Variants in GFI1B observed in about 807,000 individuals in gnomAD.
GFI1B encodes the protein zinc finger protein Gfi-1b.
GFI1B carries 20 observed loss-of-function variants against 35.3 expected under a neutral mutation model. The ratio of observed to expected loss-of-function variants is 0.57; its 90% CI spans 0.40 to 0.82. The LOEUF (loss-of-function observed/expected upper bound fraction) is 0.82. Among genes scored for constraint, GFI1B ranks in the 40% least tolerant of loss-of-function variants. GFI1B has a pLI of 0.00. For synonymous variants in GFI1B, 178 were observed against 177.6 expected (o/e 1.00, Z -0.02); for missense variants, 430 against 446.3 (o/e 0.96, Z 0.33).
Position 132,955,746 on chromosome 9 carries a change from T to C in GFI1B, c.-701+10077T>C, listed in dbSNP as rs771449987. ...TTGGTTGATTGATTTGAAATCATCC[T>C]GAGTGTATTAGTAAGAGTTCTCCAG... On this transcript the variant is annotated intron_variant, in intron 1 of 10. Transcript: ENST00000339463. Among the ~76,000 whole-genome samples, 29 of 152,258 alleles carry C rather than the reference T, an allele frequency of 1.9e-4. 1 individual carries two copies. Among genetic ancestry groups the C allele is most frequent in the South Asian group, 1.4e-3 (7 of 4,832 alleles).
chr9:132,983,748 C>G (rs148301345), intron 1 of GFI1B, among the ~76,000 whole-genome samples: 1 of 152,236 alleles, frequency 6.6e-6, no homozygotes, highest in Non-Finnish European at 1.5e-5. Context: ...ATCCCTAGCA[C>G]GTCGGCTCCA....
At position 132,989,059 on chromosome 9, in the gene GFI1B, A is replaced by G; in HGVS notation, c.511-2A>G. 2.5e-6 allele frequency: 4 copies of G among 1,613,924 alleles called. No homozygotes were observed. The highest frequency in any genetic ancestry group is 3.4e-6 in the Non-Finnish European group (4 of 1,179,862). On this transcript the variant is annotated splice_acceptor_variant, in intron 4 of 6. Transcript: ENST00000372122. LOFTEE classifies it high-confidence loss of function. The surrounding 1 kb of genome is among the most constrained non-coding windows in gnomAD (Gnocchi z 6.2). ...GGCCTCACATGCTGCCCCTGCTCCC[A>G]GGTCTTCTCCACCCCTCACGGGCTC...
At chr9:132,961,745 C>G in intron 1 of GFI1B, among the ~76,000 whole-genome samples, 1 of 152,092 alleles carries the variant, frequency 6.6e-6, no homozygotes, top group East Asian at 1.9e-4. Flanking sequence ...GTGCCCGCCA[C>G]CACACCTGGC....
At chr9:132,948,712 A>T (rs1564521031) in intron 1 of GFI1B, among the ~76,000 whole-genome samples, 1 of 152,192 alleles carries the variant, frequency 6.6e-6, no homozygotes, top group East Asian at 1.9e-4. Flanking sequence ...CTAGCGCATC[A>T]GTTTCCCCTT....
At chr9:132,970,069 A>G (rs1415087688) in intron 1 of GFI1B, among the ~76,000 whole-genome samples, 1 of 152,088 alleles carries the variant, frequency 6.6e-6, no homozygotes, top group Non-Finnish European at 1.5e-5. Flanking sequence ...TTGAGAAGGA[A>G]CCCCATCGAT....
chr9:132,988,105 C>T, intron 3 of GFI1B, 92 bp from the exon 4 acceptor site: 2 of 1,234,824 alleles, frequency 1.6e-6, no homozygotes, highest in Non-Finnish European at 2.4e-6. Flanking sequence ...CTCAGCCTCC[C>T]AAAGTGCTGG....
At chr9:132,985,016 G>T (rs1334643986) in intron 1 of GFI1B, among the ~76,000 whole-genome samples, 2 of 145,834 alleles carry the variant, frequency 1.4e-5, no homozygotes, top group Non-Finnish European at 3.0e-5. Context: ...TCCCTCTCCC[G>T]CCTTCTCCGG....
chr9:132,954,820 G>A (rs1306221988), intron 1 of GFI1B, among the ~76,000 whole-genome samples: 2 of 151,658 alleles, frequency 1.3e-5, no homozygotes, highest in Non-Finnish European at 1.5e-5. Context: ...CCGGGTTCAA[G>A]TGATTCTTCT....
upstream of GFI1B, among the ~76,000 whole-genome samples, chr9:132,975,657 G>A (rs1336073199): frequency 6.6e-6 from 1 of 152,224 alleles, no homozygotes; most frequent in East Asian, 1.9e-4. Context: ...GTGGTGCCTT[G>A]TTGTGGGCAC....
intron 1 of GFI1B, among the ~76,000 whole-genome samples, chr9:132,961,228 C>T (rs1187470177): frequency 6.6e-6 from 1 of 151,900 alleles, no homozygotes; most frequent in Non-Finnish European, 1.5e-5. Context: ...ATAAGTTAGG[C>T]GACCTCAAAA....
At chr9:132,957,561 C>T (rs893814666) in intron 1 of GFI1B, among the ~76,000 whole-genome samples, 2 of 152,258 alleles carry the variant, frequency 1.3e-5, no homozygotes, top group African/African-American at 2.4e-5. Context: ...ACTCAAGAAC[C>T]TTATGAAGAC....
At chr9:132,985,950 T>C (rs1421719558) in intron 1 of GFI1B, among the ~76,000 whole-genome samples, 1 of 152,216 alleles carries the variant, frequency 6.6e-6, no homozygotes, top group East Asian at 1.9e-4. Flanking sequence ...CCCCAGTCCC[T>C]GCCTTTCCTT....
Position 132,964,647 on chromosome 9 carries a change from C to T in GFI1B, c.-700-8078C>T, listed in dbSNP as rs73554515. On this transcript the variant is annotated intron_variant, in intron 1 of 10. Coordinates refer to the GFI1B transcript ENST00000339463. ...ACACACAAAAATACTTCTGTGAGGACATCTGCCCAGCAACTGCCTGTCCAG... is the reference window on the plus strand; with the variant it reads ...ACACACAAAAATACTTCTGTGAGGATATCTGCCCAGCAACTGCCTGTCCAG... Among the ~76,000 whole-genome samples, 1,370 of 152,018 alleles carry T rather than the reference C, an allele frequency of 9.0e-3. 21 individuals carry two copies. Among genetic ancestry groups the T allele is most frequent in the African/African-American group, 0.031 (1,297 of 41,486 alleles).
At chr9:132,946,582 C>T (rs1254372996) in intron 1 of GFI1B, 1 of 152,192 alleles carries the variant, frequency 6.6e-6, no homozygotes, top group Non-Finnish European at 1.5e-5. Context: ...CACCAATCTG[C>T]AAACTACTTT....
At chr9:132,948,724 C>A (rs1848157289) in intron 1 of GFI1B, among the ~76,000 whole-genome samples, 1 of 152,242 alleles carries the variant, frequency 6.6e-6, no homozygotes, top group African/African-American at 2.4e-5. Context: ...TTTCCCCTTG[C>A]TTTCTAGCAC....
chr9:132,986,592 G>T (rs1389959780), intron 1 of GFI1B, 67 bp from the exon 2 acceptor site: 4 of 799,806 alleles, frequency 5.0e-6, no homozygotes, highest in Non-Finnish European at 8.7e-6. Flanking sequence ...TCAGGAGGAG[G>T]TTCTGAGATA....
chr9:132,981,406 CCTT>C (rs1848815523), intron 1 of GFI1B, among the ~76,000 whole-genome samples: 1 of 152,140 alleles, frequency 6.6e-6, no homozygotes, highest in African/African-American at 2.4e-5. Flanking sequence ...TTTGAGAACT[CCTT>C]CTAAATTTCA....
intron 1 of GFI1B, among the ~76,000 whole-genome samples, chr9:132,957,304 C>T (rs994238627): frequency 4.0e-4 from 61 of 152,288 alleles, no homozygotes; most frequent in African/African-American, 1.4e-3. Flanking sequence ...TCTCTGGTCC[C>T]CACAGTACTC....
intron 1 of GFI1B, among the ~76,000 whole-genome samples, chr9:132,971,857 C>T (rs1236516922): frequency 6.6e-6 from 1 of 151,742 alleles, no homozygotes; most frequent in Non-Finnish European, 1.5e-5. Context: ...GCCTGTAATC[C>T]CAGCTACTAG....
Sources: allele counts gnomAD v4.1 joint callset (sites outside exome capture counted in the v4.1 genomes callset), GRCh38; gene constraint gnomAD v4.1.1; non-coding constraint Gnocchi (gnomAD v3.1); transcripts MANE v1.5; gene names NCBI Gene and HGNC (gene_info 2026-07-23, HGNC 2026-07-21).